IRF1: variants seen among roughly 807,000 people sequenced by gnomAD.
IRF1 encodes interferon regulatory factor 1.
IRF1 carries 13 observed loss-of-function variants against 43.7 expected under a neutral mutation model. The observed-to-expected ratio is 0.30, with a 90% CI of 0.19 to 0.47. IRF1 has a LOEUF of 0.47. Ranked by LOEUF, IRF1 falls within the 20% of genes least tolerant of loss-of-function variation. The pLI is 0.99. For synonymous variants in IRF1, 138 were observed against 146.8 expected, an observed-to-expected ratio of 0.94 and a Z score of 0.43; for missense variants, 236 against 408.9, an observed-to-expected ratio of 0.58 and a Z score of 3.65.
At chr5:132,487,854 C>A in intron 3 of IRF1, 72 bp downstream of exon 3, 1 of 995,342 alleles carries the variant, frequency 1.0e-6, no homozygotes, top group Middle Eastern at 2.3e-4. Flanking sequence ...CAGTGAAGAG[C>A]CTCTGTGTTA....
At chr5:132,487,503 G>A (rs1754567865) in intron 3 of IRF1, 1 of 344,232 alleles carries the variant, frequency 2.9e-6, no homozygotes, top group Admixed American at 4.5e-5. Context: ...CTAAATGGGT[G>A]GGCTGACTGT....
At chr5:132,484,224 G>A in intron 9 of IRF1, 138 bp downstream of exon 9, 1 of 1,432,680 alleles carries the variant, frequency 7.0e-7, no homozygotes, top group Non-Finnish European at 9.6e-7. Flanking sequence ...TTAAGGCATG[G>A]CAGCCGTAGC....
intron 2 of IRF1, 130 bp downstream of exon 2, chr5:132,489,262 A>G (rs41468446): frequency 2.8e-5 from 20 of 720,492 alleles, no homozygotes; most frequent in Non-Finnish European, 4.7e-5. Context: ...CCCTGCATGC[A>G]GGACCCACTG....
intron 8 of IRF1, chr5:132,485,116 TAGTC>T (rs758929363): frequency 7.1e-5 from 11 of 155,860 alleles, no homozygotes; most frequent in Non-Finnish European, 1.4e-4. Flanking sequence ...TTCACCATGT[TAGTC>T]AGGCTGGTCT....
At position 132,483,636 on chromosome 5, in the gene IRF1, C is replaced by T; in HGVS notation, c.*315G>A. The T allele has an allele frequency of 3.4e-6, 1 of 292,440 alleles. No individual in the cohort carries two copies. Among genetic ancestry groups the T allele is most frequent in the Non-Finnish European group, 6.6e-6 (1 of 151,904 alleles). 18.1% of individuals were successfully genotyped at this position (292,440 alleles called of 1,614,324 possible). ...TAGGAGCCAGCCAGTGACAGCGAGA[C>T]CCTCTCCAGGCAGCTGGGCTCAGAG... On this transcript the variant is annotated 3_prime_UTR_variant, in exon 10 of 10. Transcript: ENST00000245414.
At chr5:132,484,742 GCA>G in intron 8 of IRF1, 1 of 505,816 alleles carries the variant, frequency 2.0e-6, no homozygotes, top group Non-Finnish European at 3.6e-6. Flanking sequence ...CTCTGGTATA[GCA>G]TCTCCACGAC....
rs1754699243 is a variant in IRF1, at chr5:132,490,739, G to C, written c.-200C>G. ...GGCCTCGGTTCGGCGGGGCTCGGGC[G>C]CACGTCTTGCCTCGACTAAGGAGTG... On this transcript the variant is annotated 5_prime_UTR_variant, in exon 1 of 10. Coordinates refer to ENST00000245414, the MANE Select transcript of IRF1 (RefSeq NM_002198.3). The surrounding 1 kb of genome is among the most constrained non-coding windows in gnomAD (Gnocchi z 5.8). The C allele has an allele frequency of 6.6e-6, 1 of 152,256 alleles. No homozygotes were observed. Among genetic ancestry groups the C allele is most frequent in the African/African-American group, 2.4e-5 (1 of 41,456 alleles). 9.4% of individuals were successfully genotyped at this position (152,256 alleles called of 1,614,324 possible). A position where few individuals can be genotyped will look rare whatever the true frequency, so the allele number is the denominator to read the frequency against.
intron 3 of IRF1, 170 bp from the exon 4 acceptor site, chr5:132,487,300 GGGCCTTCT>G: frequency 1.5e-6 from 1 of 679,902 alleles, no homozygotes; most frequent in Non-Finnish European, 2.5e-6. Flanking sequence ...CCTAGGCCCT[GGGCCTTCT>G]CAAATGCCCA....
chr5:132,486,538 C>G lies in IRF1; in HGVS notation c.544+19G>C, dbSNP rs1206847076. ...CCCACTGACCTGTGGGGTCTCCTGC[C>G]AGACCTGGACCAGCTCACCTGGAGT... On this transcript the variant is annotated intron_variant, in intron 6 of 9. Transcript: ENST00000245414. 1 of 1,613,818 alleles carries G rather than the reference C, an allele frequency of 6.2e-7. No homozygotes were observed. The highest frequency in any genetic ancestry group is 8.5e-7 in the Non-Finnish European group (1 of 1,179,904).
rs529154365 is a variant in IRF1, at chr5:132,484,277, CT to C, written c.853+84del. On this transcript the variant is annotated intron_variant, in intron 9 of 9. Transcript: ENST00000245414. ...GTACCCCAGATGCTTTACCGCCCTG[CT>C]CCCTGGCCCTGCCCCCAAGCTTTCT... The C allele has an allele frequency of 2.2e-5, 31 of 1,390,098 alleles. 1 individual carries two copies. In the Middle Eastern group the frequency reaches 5.6e-4, roughly 25 times the overall value. 86.1% of individuals were successfully genotyped at this position (1,390,098 alleles called of 1,614,324 possible).
At chr5:132,489,668 G>T in intron 1 of IRF1, 185 bp from the exon 2 acceptor site, 2 of 543,032 alleles carry the variant, frequency 3.7e-6, no homozygotes, top group African/African-American at 1.9e-5. Flanking sequence ...AGCATCTTAG[G>T]CAAAAATGCT....
At chr5:132,485,972 A>T in intron 7 of IRF1, 1 of 598,298 alleles carries the variant, frequency 1.7e-6, no homozygotes, top group Non-Finnish European at 3.0e-6. Context: ...CCTCACCCTC[A>T]GATGCTGGGC....
intron 3 of IRF1, 96 bp from the exon 4 acceptor site, chr5:132,487,226 T>G: frequency 8.1e-7 from 1 of 1,239,572 alleles, no homozygotes; most frequent in Non-Finnish European, 1.2e-6. Flanking sequence ...ACCCCTGACC[T>G]CTTATGCTAC....
chr5:132,485,574 G>T, intron 8 of IRF1, 93 bp downstream of exon 8: 1 of 987,956 alleles, frequency 1.0e-6, no homozygotes, highest in Non-Finnish European at 1.6e-6. Flanking sequence ...GACAACAGCA[G>T]CTACCCATCC....
rs1421984270 is a variant in IRF1 at position 132,483,232 on chromosome 5, T to C, written c.*719A>G. ...TTCCCTCCCTGGGCCTGTTGAGGGCTGCTGGGGCTTGAGGGGGTGGTGGGC... is the reference window on the plus strand; with the variant it reads ...TTCCCTCCCTGGGCCTGTTGAGGGCCGCTGGGGCTTGAGGGGGTGGTGGGC... On this transcript the variant is annotated 3_prime_UTR_variant, in exon 10 of 10. Coordinates refer to ENST00000245414, the MANE Select transcript of IRF1 (RefSeq NM_002198.3). 1 of 152,768 alleles carries C rather than the reference T, an allele frequency of 6.5e-6. No individual in the cohort carries two copies. The highest frequency in any genetic ancestry group is 2.4e-5 in the African/African-American group (1 of 41,448). The allele number at this position is 152,768 out of a possible 1,614,324, so 9.5% of individuals were successfully genotyped here. A position where few individuals can be genotyped will look rare whatever the true frequency, so the allele number is the denominator to read the frequency against.
chr5:132,487,178 TC>T, intron 3 of IRF1, 48 bp from the exon 4 acceptor site: 1 of 1,586,316 alleles, frequency 6.3e-7, no homozygotes, highest in Non-Finnish European at 8.6e-7. Context: ...TGGGTAGGGA[TC>T]CTCAGCTGCC....
intron 7 of IRF1, 119 bp from the exon 8 acceptor site, chr5:132,485,835 A>G: frequency 3.0e-6 from 2 of 673,784 alleles, no homozygotes; most frequent in Non-Finnish European, 5.3e-6. Context: ...TCTGACACAC[A>G]CACACACACA....
chr5:132,486,410 G>A, intron 6 of IRF1, 37 bp from the exon 7 acceptor site: 1 of 1,609,954 alleles, frequency 6.2e-7, no homozygotes, highest in Non-Finnish European at 8.5e-7. Context: ...AAGGTTGTGT[G>A]CTTTCTTAGT....
intron 2 of IRF1, chr5:132,488,269 C>G (rs953192777): frequency 4.1e-6 from 2 of 492,710 alleles, no homozygotes; most frequent in Non-Finnish European, 7.4e-6. Context: ...AAAGACCTCC[C>G]TCTGCCTGTT....
Sources: allele counts gnomAD v4.1 joint callset, GRCh38; gene constraint gnomAD v4.1.1; non-coding constraint Gnocchi (gnomAD v3.1); transcripts MANE v1.5; gene names NCBI Gene and HGNC (gene_info 2026-07-23, HGNC 2026-07-21).